Variants in KANK4 observed in about 807,000 individuals in gnomAD.
The protein encoded by KANK4 is KN motif and ankyrin repeat domain-containing protein 4.
A neutral mutation model predicts 80.8 loss-of-function variants in KANK4; 50 were observed. The observed-to-expected ratio is 0.62, with a 90% CI of 0.49 to 0.78. KANK4 has a LOEUF of 0.78. Among genes scored for constraint, KANK4 ranks in the 30% least tolerant of loss-of-function variants. The pLI is 0.00. For synonymous variants in KANK4, 465 were observed against 506.9 expected, an observed-to-expected ratio of 0.92 and a Z score of 1.11; for missense variants, 1,196 against 1,240.1, an observed-to-expected ratio of 0.96 and a Z score of 0.53.
intron 1 of KANK4, among the ~76,000 whole-genome samples, chr1:62,300,582 A>G (rs1333276951): frequency 6.6e-6 from 1 of 152,094 alleles, no homozygotes; most frequent in Non-Finnish European, 1.5e-5. Flanking sequence ...AGAGATGAAA[A>G]CATGTATGGT....
intron 1 of KANK4, among the ~76,000 whole-genome samples, chr1:62,304,030 T>C (rs1332789022): frequency 6.6e-6 from 1 of 151,856 alleles, no homozygotes; most frequent in Admixed American, 6.6e-5. Flanking sequence ...CACACCACCA[T>C]GCCTCGCTAA....
intron 1 of KANK4, among the ~76,000 whole-genome samples, chr1:62,318,828 G>C (rs900110697): frequency 6.6e-6 from 1 of 152,182 alleles, no homozygotes; most frequent in African/African-American, 2.4e-5. Flanking sequence ...ATCTGGGCTG[G>C]AAAGGGAGCG....
intron 7 of KANK4, among the ~76,000 whole-genome samples, chr1:62,255,438 T>C (rs1671730407): frequency 6.6e-6 from 1 of 151,934 alleles, no homozygotes; most frequent in South Asian, 2.1e-4. Flanking sequence ...TGATAGGGTC[T>C]TGCTCTGTTG....
chr1:62,243,341 A>AT (rs112696391), intron 9 of KANK4, among the ~76,000 whole-genome samples: 25,310 of 146,672 alleles, frequency 0.17, 2,230 homozygotes, highest in South Asian at 0.22. Flanking sequence ...GGACCAGATA[A>AT]TTTTTTTTTT....
At chr1:62,309,667 ATC>A (rs1462185612) in intron 1 of KANK4, among the ~76,000 whole-genome samples, 1 of 152,140 alleles carries the variant, frequency 6.6e-6, no homozygotes, top group African/African-American at 2.4e-5. Flanking sequence ...CTATAATACA[ATC>A]TTTTTTGTCC....
chr1:62,244,864 G>A (rs1038127273), intron 9 of KANK4, among the ~76,000 whole-genome samples: 6 of 152,148 alleles, frequency 3.9e-5, no homozygotes, highest in Admixed American at 1.3e-4. Flanking sequence ...CCTCATGAGC[G>A]TTTAAAGTCC....
At chr1:62,255,174 G>A (rs1331252067) in intron 7 of KANK4, among the ~76,000 whole-genome samples, 11 of 151,852 alleles carry the variant, frequency 7.2e-5, no homozygotes, top group Admixed American at 4.6e-4. Flanking sequence ...CATGAGCCAC[G>A]GTGCCTAGCC....
At chr1:62,239,494 T>C (rs1318016646) in intron 9 of KANK4, among the ~76,000 whole-genome samples, 1 of 152,188 alleles carries the variant, frequency 6.6e-6, no homozygotes, top group Admixed American at 6.6e-5. Flanking sequence ...TTTTAAATTA[T>C]TTCCTAAGGA....
In KANK4 at chr1:62,300,803, G is replaced by A. The variant is rs556442294; in HGVS notation, c.-71+18303C>T. On this transcript the variant is annotated intron_variant, in intron 1 of 9. Coordinates refer to ENST00000371153, the MANE Select transcript of KANK4 (RefSeq NM_181712.5). ...TATGTCCCCAGATTCTGGACTATTA[G>A]TAGACATTCAATAAATATTTACAGA... Among the ~76,000 whole-genome samples, 4 of 152,190 alleles carry A rather than the reference G, an allele frequency of 2.6e-5. No individual in the cohort carries two copies. The South Asian group carries it at 8.3e-4, about 32-fold the overall frequency.
intron 9 of KANK4, among the ~76,000 whole-genome samples, chr1:62,242,992 A>G (rs2149114482): frequency 6.6e-6 from 1 of 152,178 alleles, no homozygotes; most frequent in East Asian, 1.9e-4. Context: ...ATCAACCCTG[A>G]CCCAGGTGGG....
intron 1 of KANK4, among the ~76,000 whole-genome samples, chr1:62,309,198 G>T (rs1220542610): frequency 1.3e-5 from 2 of 152,230 alleles, no homozygotes. Context: ...GGCATCTGGC[G>T]TGTCCTCACA....
At position 62,271,724 on chromosome 1, in the gene KANK4, G is replaced by A. The variant is rs529346166; in HGVS notation, c.1901-135C>T. 608 of 632,582 alleles carry A rather than the reference G, an allele frequency of 9.6e-4. 2 individuals are homozygous for A. Among genetic ancestry groups the A allele is most frequent in the Non-Finnish European group, 9.6e-4 (338 of 351,728 alleles). The allele number at this position is 632,582 out of a possible 1,614,324, so 39.2% of individuals were successfully genotyped here. ...AAGGAGGGACAGGGAACCAGATCAT[G>A]TAAATCAATGTTTTGGGGACCTCTT... On this transcript the variant is annotated intron_variant, in intron 3 of 9. Coordinates refer to ENST00000371153, the MANE Select transcript of KANK4 (RefSeq NM_181712.5).
At chr1:62,247,767 C>A (rs2149118956) in intron 8 of KANK4, 95 bp from the exon 9 acceptor site, 2 of 964,234 alleles carry the variant, frequency 2.1e-6, no homozygotes, top group South Asian at 1.4e-5. Context: ...CTTCTCAATA[C>A]CACAACCACT....
rs1216091965 is a variant in KANK4, at chr1:62,237,531, CTTT to C, written c.*743_*745del. Reference sequence around the variant, plus strand: ...TGGTGTGTGTCATTGGATTGAATTTCTTTTTTTTCTTTATTACATAGCAACTTA... The same window carrying C: ...TGGTGTGTGTCATTGGATTGAATTTCTTTTTCTTTATTACATAGCAACTTA... On this transcript the variant is annotated 3_prime_UTR_variant, in exon 10 of 10. Transcript: ENST00000371153. The C allele has an allele frequency of 6.6e-6, 1 of 151,936 alleles. No individual in the cohort carries two copies. Among genetic ancestry groups the C allele is most frequent in the Non-Finnish European group, 1.5e-5 (1 of 67,986 alleles). 9.4% of individuals were successfully genotyped at this position (151,936 alleles called of 1,614,324 possible). A position where few individuals can be genotyped will look rare whatever the true frequency, so the allele number is the denominator to read the frequency against.
intron 1 of KANK4, among the ~76,000 whole-genome samples, chr1:62,309,002 A>C (rs958661947): frequency 6.6e-6 from 1 of 152,168 alleles, no homozygotes; most frequent in East Asian, 1.9e-4. Flanking sequence ...CCTCACCTCC[A>C]GGATAACTTG....
At chr1:62,307,292 G>A (rs944604518) in intron 1 of KANK4, among the ~76,000 whole-genome samples, 1 of 151,924 alleles carries the variant, frequency 6.6e-6, no homozygotes. Context: ...AGACCAGCCG[G>A]GCCAACATGG....
rs1371948116 is a variant in KANK4, at chr1:62,259,758, A to G, written c.2539+3334T>C. On this transcript the variant is annotated intron_variant, in intron 7 of 9. Coordinates refer to ENST00000371153, the MANE Select transcript of KANK4 (RefSeq NM_181712.5). ...ATTATTATATAAATTATAATTATAAAGACAATATAATTTATAATTAATATA... is the reference window on the plus strand; with the variant it reads ...ATTATTATATAAATTATAATTATAAGGACAATATAATTTATAATTAATATA... Among the ~76,000 whole-genome samples, 5 of 148,354 alleles carry G rather than the reference A, an allele frequency of 3.4e-5. No individual in the cohort carries two copies. The East Asian group carries it at 9.7e-4, about 29-fold the overall frequency.
chr1:62,270,529 TG>T (rs901655359), intron 4 of KANK4, among the ~76,000 whole-genome samples: 1 of 151,876 alleles, frequency 6.6e-6, no homozygotes, highest in Non-Finnish European at 1.5e-5. Flanking sequence ...GGACTGCAGG[TG>T]CATGTCCCCA....
rs748384829 is a variant in KANK4, at chr1:62,273,773, C to A, written c.1331G>T (p.Ser444Ile). ...ATTCTCCTCTCCTCGGTGCCCCCAG[C>A]TTTCAGACTCCATGCTGCCTAGAAG... Reference protein sequence around the residue: ...VNLLGSMESESWGHRGEENGL... With the variant: ...VNLLGSMESEIWGHRGEENGL... The change falls in exon 3 of 10, where the codon AGC (serine) becomes ATC (isoleucine). Residue 444 changes from serine (S) to isoleucine (I), a missense_variant. By Grantham distance (142) the Ser-to-Ile change is moderately radical (BLOSUM62 -2). Coordinates refer to ENST00000371153, the MANE Select transcript of KANK4 (RefSeq NM_181712.5). 1 of 1,614,158 alleles carries A rather than the reference C, an allele frequency of 6.2e-7. No individual in the cohort carries two copies. The highest frequency in any genetic ancestry group is 1.1e-5 in the South Asian group (1 of 91,060).
Sources: gnomAD v4.1 joint callset for allele counts (sites outside exome capture counted in the v4.1 genomes callset) on GRCh38, gnomAD v4.1.1 for gene constraint, MANE v1.5 for transcripts, NCBI Gene and HGNC (gene_info 2026-07-23, HGNC 2026-07-21) for gene names.